IL1RAPL1: variants seen among roughly 807,000 people sequenced by gnomAD.
IL1RAPL1 encodes interleukin-1 receptor accessory protein-like 1.
A neutral mutation model predicts 48.4 loss-of-function variants in IL1RAPL1; 3 were observed. The ratio of observed to expected loss-of-function variants is 0.06; its 90% CI spans 0.03 to 0.16. IL1RAPL1 has a LOEUF of 0.16. Ranked by LOEUF, IL1RAPL1 falls within the 10% of genes least tolerant of loss-of-function variation. IL1RAPL1 has a pLI of 1.00. For missense variants in IL1RAPL1, 349 were observed against 530.6 expected (o/e 0.66, Z 3.36); for synonymous variants, 185 against 187.7 (o/e 0.99, Z 0.12).
intron 1 of IL1RAPL1, among the ~76,000 whole-genome samples, chrX:28,634,476 T>C (rs1934441634): frequency 9.1e-6 from 1 of 109,622 alleles, no homozygotes; most frequent in African/African-American, 3.3e-5. Context: ...TATGTATATA[T>C]GTGTGTATAT....
rs1479854373 is a variant in IL1RAPL1, at chrX:29,695,367, A to G, written c.778+26863A>G. 8.1e-5 allele frequency among the ~76,000 whole-genome samples: 9 copies of G among 111,745 alleles called. No individual in the cohort carries two copies. In the East Asian group the frequency reaches 2.5e-3, roughly 32 times the overall value. ...ACACAAATAGTTCTTTCTGTCAGCT[A>G]TAGTTGTACTTTGGTCTCCAGTTAT... On this transcript the variant is annotated intron_variant, in intron 6 of 10. Coordinates refer to ENST00000378993, the MANE Select transcript of IL1RAPL1 (RefSeq NM_014271.4).
At position 29,668,477 on chromosome X, in the gene IL1RAPL1, A is replaced by G; in HGVS notation, c.751A>G (p.Lys251Glu). The change falls in exon 6 of 11, where the codon AAA becomes GAA. Residue 251 changes from lysine (K) to glutamate (E), a missense_variant. Lys to Glu is a moderately conservative substitution (Grantham distance 56, BLOSUM62 1). This residue lies in a region of IL1RAPL1 where 238 missense variants were observed against 337.8 expected (regional missense o/e 0.70). Coordinates refer to ENST00000378993, the MANE Select transcript of IL1RAPL1 (RefSeq NM_014271.4). ...PPKLLYPMESKLTIQETQLGD... is the reference protein window; with the variant it reads ...PPKLLYPMESELTIQETQLGD... ...CAAGCTTTTGTATCCTATGGAAAGT[A>G]AACTGACAATTCAGGAGACCCAGCT... 2.5e-6 allele frequency: 3 copies of G among 1,208,277 alleles called. No homozygotes were observed. Among genetic ancestry groups the G allele is most frequent in the Non-Finnish European group, 3.4e-6 (3 of 892,348 alleles).
intron 3 of IL1RAPL1, among the ~76,000 whole-genome samples, chrX:29,332,469 T>G (rs2147634790): frequency 1.1e-5 from 1 of 93,807 alleles, no homozygotes; most frequent in Admixed American, 1.2e-4. Flanking sequence ...TCAAGCCATT[T>G]ATTTTCACAA....
intron 1 of IL1RAPL1, among the ~76,000 whole-genome samples, chrX:28,654,027 G>A (rs1397102577): frequency 9.0e-6 from 1 of 111,222 alleles, no homozygotes; most frequent in Non-Finnish European, 1.9e-5. Context: ...GGGGTTAAAG[G>A]AAAGCGTTGA....
At chrX:29,181,477 T>C (rs1930142516) in intron 2 of IL1RAPL1, among the ~76,000 whole-genome samples, 1 of 111,947 alleles carries the variant, frequency 8.9e-6, no homozygotes, top group Non-Finnish European at 1.9e-5. Context: ...ATCTGACCTC[T>C]TCCTTGTACT....
At chrX:28,899,423 G>A (rs893393141) in intron 2 of IL1RAPL1, among the ~76,000 whole-genome samples, 55 of 111,930 alleles carry the variant, frequency 4.9e-4, no homozygotes, top group African/African-American at 1.8e-3. Flanking sequence ...CTCCCAAAGT[G>A]CTGGGATTGC....
chrX:28,784,583 G>A (rs1474872657), intron 1 of IL1RAPL1, among the ~76,000 whole-genome samples: 1 of 111,324 alleles, frequency 9.0e-6, no homozygotes, highest in South Asian at 3.8e-4. Context: ...AATAAATATG[G>A]CAGATACTTA....
At chrX:29,063,838 A>G (rs1466010487) in intron 2 of IL1RAPL1, among the ~76,000 whole-genome samples, 2 of 112,178 alleles carry the variant, frequency 1.8e-5, no homozygotes, top group African/African-American at 6.5e-5. Flanking sequence ...AACACCTGTA[A>G]TATGTATATT....
intron 6 of IL1RAPL1, among the ~76,000 whole-genome samples, chrX:29,676,646 A>G (rs1009874281): frequency 2.7e-5 from 3 of 111,818 alleles, no homozygotes; most frequent in Non-Finnish European, 5.6e-5. Flanking sequence ...AAAGGACACT[A>G]TGCCACATGA....
intron 2 of IL1RAPL1, among the ~76,000 whole-genome samples, chrX:29,220,716 T>A (rs944312954): frequency 5.4e-5 from 6 of 112,107 alleles, no homozygotes; most frequent in African/African-American, 1.9e-4. Context: ...GTTCTTCTTT[T>A]TAAAAAGCTG....
intron 2 of IL1RAPL1, among the ~76,000 whole-genome samples, chrX:28,877,041 C>T (rs1922393494): frequency 8.9e-6 from 1 of 111,816 alleles, no homozygotes; most frequent in Non-Finnish European, 1.9e-5. Context: ...TGTAGCCTTA[C>T]ATGTTGCTTA....
At chrX:29,518,985 C>T (rs1290078712) in intron 5 of IL1RAPL1, among the ~76,000 whole-genome samples, 2 of 111,488 alleles carry the variant, frequency 1.8e-5, no homozygotes, top group African/African-American at 6.5e-5. Flanking sequence ...GAAGGTAGAG[C>T]CTAGTGAACT....
intron 9 of IL1RAPL1, among the ~76,000 whole-genome samples, chrX:29,944,019 A>C (rs1320568271): frequency 8.9e-6 from 1 of 111,983 alleles, no homozygotes; most frequent in Non-Finnish European, 1.9e-5. Flanking sequence ...TTAGTTAATA[A>C]ATCCTTTAGC....
At chrX:29,708,528 C>T (rs1276519589) in intron 6 of IL1RAPL1, among the ~76,000 whole-genome samples, 1 of 111,671 alleles carries the variant, frequency 9.0e-6, no homozygotes, top group Non-Finnish European at 1.9e-5. Flanking sequence ...TCTTCCAGTT[C>T]AATCTATATA....
chrX:28,656,926 T>G (rs1321573054), intron 1 of IL1RAPL1, among the ~76,000 whole-genome samples: 2 of 105,765 alleles, frequency 1.9e-5, no homozygotes, highest in Admixed American at 1.0e-4. Flanking sequence ...CTCGGGAGGC[T>G]GAGGCAGGAG....
At chrX:29,439,649 A>G (rs1934519662) in intron 5 of IL1RAPL1, among the ~76,000 whole-genome samples, 3 of 110,784 alleles carry the variant, frequency 2.7e-5, no homozygotes, top group African/African-American at 9.8e-5. Context: ...AGGAAAACTA[A>G]TGCTCCACAT....
chrX:29,252,172 G>T (rs978265844), intron 2 of IL1RAPL1, among the ~76,000 whole-genome samples: 1 of 112,490 alleles, frequency 8.9e-6, no homozygotes, highest in East Asian at 2.7e-4. Context: ...GCTAGATGAC[G>T]AGTTAGTGGG....
At chrX:28,778,361 A>G (rs1303437263) in intron 1 of IL1RAPL1, among the ~76,000 whole-genome samples, 1 of 111,317 alleles carries the variant, frequency 9.0e-6, no homozygotes, top group East Asian at 2.8e-4. Context: ...GGCAGGGAGA[A>G]CTCACAAAGG....
At position 28,748,168 on chromosome X, in the gene IL1RAPL1, A is replaced by G. The variant is rs1006112357; in HGVS notation, c.-24-41152A>G. On this transcript the variant is annotated intron_variant, in intron 1 of 10. Coordinates refer to ENST00000378993, the MANE Select transcript of IL1RAPL1 (RefSeq NM_014271.4). ...TTTTATTTCTCTGGCCATTTGAATC[A>G]TATACACATCATGAATAAAAAGAAA... 3.6e-5 allele frequency among the ~76,000 whole-genome samples: 4 copies of G among 111,981 alleles called. No homozygotes were observed. In the Admixed American group the frequency reaches 3.8e-4, roughly 11 times the overall value.
Sources: gnomAD v4.1 joint callset for allele counts (sites outside exome capture counted in the v4.1 genomes callset) on GRCh38, gnomAD v4.1.1 for gene constraint, gnomAD v4.1.1 regional missense constraint, MANE v1.5 for transcripts, NCBI Gene and HGNC (gene_info 2026-07-23, HGNC 2026-07-21) for gene names.